Variants in ZFPM2 observed in about 807,000 individuals in gnomAD.
ZFPM2 encodes zinc finger protein, FOG family member 2.
ZFPM2 carries 20 observed loss-of-function variants against 98.6 expected under a neutral mutation model. The observed-to-expected ratio is 0.20, with a 90% CI of 0.14 to 0.29. The LOEUF (loss-of-function observed/expected upper bound fraction) is 0.29. Ranked by LOEUF, ZFPM2 falls within the 10% of genes least tolerant of loss-of-function variation. The pLI is 1.00. For synonymous variants in ZFPM2, 518 were observed against 502.7 expected, an observed-to-expected ratio of 1.03 and a Z score of -0.41; for missense variants, 1,310 against 1,388.6, an observed-to-expected ratio of 0.94 and a Z score of 0.90.
chr8:105,706,435 C>T (rs1326120142), intron 5 of ZFPM2, among the ~76,000 whole-genome samples: 1 of 152,146 alleles, frequency 6.6e-6, no homozygotes, highest in Admixed American at 6.5e-5. Context: ...CAAAGGATTA[C>T]TCTAAAACAA....
At chr8:105,796,720 T>A (rs1457938353) in intron 6 of ZFPM2, 1 of 152,158 alleles carries the variant, frequency 6.6e-6, no homozygotes, top group African/African-American at 2.4e-5. Flanking sequence ...TCTGCAGAGT[T>A]TTAGGCCTCT....
intron 3 of ZFPM2, among the ~76,000 whole-genome samples, chr8:105,475,494 G>T (rs1812995761): frequency 6.6e-6 from 1 of 152,188 alleles, no homozygotes; most frequent in Non-Finnish European, 1.5e-5. Flanking sequence ...ACTGTGTAGT[G>T]CTTGTGATTT....
At chr8:105,558,244 A>C (rs1390930238) in intron 3 of ZFPM2, among the ~76,000 whole-genome samples, 1 of 152,164 alleles carries the variant, frequency 6.6e-6, no homozygotes, top group East Asian at 1.9e-4. Context: ...TAGAATATAC[A>C]TGCTAATTAT....
chr8:105,537,047 G>T (rs1437993425), intron 3 of ZFPM2, among the ~76,000 whole-genome samples: 1 of 152,058 alleles, frequency 6.6e-6, no homozygotes, highest in Non-Finnish European at 1.5e-5. Flanking sequence ...TTGCTAAATT[G>T]GATCCCATAA....
At chr8:105,638,729 C>T (rs947533237) in intron 5 of ZFPM2, among the ~76,000 whole-genome samples, 1 of 151,936 alleles carries the variant, frequency 6.6e-6, no homozygotes, top group African/African-American at 2.4e-5. Context: ...TAAAGTGTTC[C>T]TAAATGTAGG....
At chr8:105,706,174 G>A (rs749471185) in intron 5 of ZFPM2, among the ~76,000 whole-genome samples, 3 of 152,026 alleles carry the variant, frequency 2.0e-5, no homozygotes, top group African/African-American at 4.8e-5. Context: ...AGTTGCTTAA[G>A]TCCAGTGATC....
chr8:105,328,916 G>A (rs1812163352), intron 1 of ZFPM2, among the ~76,000 whole-genome samples: 1 of 151,784 alleles, frequency 6.6e-6, no homozygotes, highest in Non-Finnish European at 1.5e-5. Flanking sequence ...GTACAGGGGA[G>A]ACTGACCAAC....
intron 5 of ZFPM2, among the ~76,000 whole-genome samples, chr8:105,699,374 G>A (rs1811091207): frequency 6.6e-6 from 1 of 152,068 alleles, no homozygotes; most frequent in Non-Finnish European, 1.5e-5. Flanking sequence ...GAGAGATGAT[G>A]TTATTAAAGA....
intron 6 of ZFPM2, chr8:105,798,075 C>CT (rs1813887376): frequency 6.6e-6 from 1 of 152,140 alleles, no homozygotes; most frequent in Non-Finnish European, 1.5e-5. Flanking sequence ...TTAGTTCAGC[C>CT]CTTACATCCT....
chr8:105,539,290 G>A (rs572079370), intron 3 of ZFPM2, among the ~76,000 whole-genome samples: 8 of 152,122 alleles, frequency 5.3e-5, no homozygotes, highest in Non-Finnish European at 1.2e-4. Flanking sequence ...TAATACATAT[G>A]TTTTACATAT....
chr8:105,652,612 T>C (rs1054265662), intron 5 of ZFPM2, among the ~76,000 whole-genome samples: 1 of 152,126 alleles, frequency 6.6e-6, no homozygotes, highest in Non-Finnish European at 1.5e-5. Flanking sequence ...CTGGTATACA[T>C]TGTTAGTAAA....
At chr8:105,574,736 G>A (rs1233836578) in intron 4 of ZFPM2, among the ~76,000 whole-genome samples, 1 of 151,200 alleles carries the variant, frequency 6.6e-6, no homozygotes, top group African/African-American at 2.4e-5. Context: ...AATAGTGTAA[G>A]CATTACCCCG....
chr8:105,691,994 A>T (rs1586201035), intron 5 of ZFPM2, among the ~76,000 whole-genome samples: 1 of 152,344 alleles, frequency 6.6e-6, no homozygotes, highest in African/African-American at 2.4e-5. Context: ...CAAAAAGCTA[A>T]CAATCTTCTT....
At chr8:105,449,817 G>GTGC (rs976893986) in intron 3 of ZFPM2, among the ~76,000 whole-genome samples, 9 of 151,980 alleles carry the variant, frequency 5.9e-5, no homozygotes, top group Non-Finnish European at 1.3e-4. Flanking sequence ...AGCTTCCTAA[G>GTGC]TGCTCAATTA....
intron 5 of ZFPM2, among the ~76,000 whole-genome samples, chr8:105,643,453 C>T (rs1426317489): frequency 2.6e-5 from 4 of 152,098 alleles, no homozygotes; most frequent in African/African-American, 9.6e-5. Flanking sequence ...CTGGTAATTC[C>T]TCATTCTAGT....
intron 3 of ZFPM2, among the ~76,000 whole-genome samples, chr8:105,532,841 G>A (rs1016733993): frequency 1.3e-5 from 2 of 148,940 alleles, no homozygotes; most frequent in Non-Finnish European, 1.5e-5. Flanking sequence ...TAGAAAGTAA[G>A]AGAGATCAGC....
At chr8:105,453,116 G>A (rs920588836) in intron 3 of ZFPM2, among the ~76,000 whole-genome samples, 27 of 152,218 alleles carry the variant, frequency 1.8e-4, no homozygotes, top group African/African-American at 5.8e-4. Flanking sequence ...TACTAGAAGG[G>A]TAATATTGAC....
intron 5 of ZFPM2, among the ~76,000 whole-genome samples, chr8:105,751,770 T>C (rs371621263): frequency 1.4e-3 from 215 of 151,758 alleles, no homozygotes; most frequent in Admixed American, 3.8e-3. Context: ...GGTGCTGTGG[T>C]AGATTTGACC....
At chr8:105,581,248 A>G in intron 4 of ZFPM2, among the ~76,000 whole-genome samples, 1 of 152,164 alleles carries the variant, frequency 6.6e-6, no homozygotes, top group East Asian at 1.9e-4. Context: ...CTAGTCATTG[A>G]GAAATAAATA....
Sources: allele counts gnomAD v4.1 joint callset (sites outside exome capture counted in the v4.1 genomes callset), GRCh38; gene constraint gnomAD v4.1.1; transcripts MANE v1.5; gene names NCBI Gene and HGNC (gene_info 2026-07-23, HGNC 2026-07-21).